CCDC146: variants seen among roughly 807,000 people sequenced by gnomAD.
CCDC146 encodes the protein coiled-coil domain containing 146.
CCDC146 carries 92 observed loss-of-function variants against 119.3 expected under a neutral mutation model. The ratio of observed to expected loss-of-function variants is 0.77; its 90% confidence interval spans 0.65 to 0.92. The LOEUF (loss-of-function observed/expected upper bound fraction) is 0.92. CCDC146 is among the 40% of genes least tolerant of loss of function. The probability of loss-of-function intolerance (pLI) is 0.00; values close to 1 mark genes in which losing one functional copy is unlikely to be tolerated. For synonymous variants in CCDC146, 372 were observed against 371.8 expected (o/e 1.00, Z -0.01); for missense variants, 1,000 against 1,103.0 (o/e 0.91, Z 1.32).
rs529712194 is a variant in CCDC146, at chr7:77,159,665, T to TAATA, written c.-11-7991_-11-7988dup. Among the ~76,000 whole-genome samples the TAATA allele has an allele frequency of 6.8e-4, 103 of 152,340 alleles. 3 individuals carry two copies. The Middle Eastern group carries it at 0.014, about 20-fold the overall frequency. On this transcript the variant is annotated intron_variant, in intron 1 of 18. Transcript: ENST00000285871. ...ATATATAACCAGAAGAATTGCTGGATAATAAGGAAGGTTTATTTTTTACTT... is the reference window on the plus strand; with the variant it reads ...ATATATAACCAGAAGAATTGCTGGATAATAAATAAGGAAGGTTTATTTTTTACTT...
chr7:77,294,466 GTGTGTGTGTGTGTGTGT>G (rs1794008571), intron 18 of CCDC146, among the ~76,000 whole-genome samples, 180 bp from the exon 19 acceptor site: 1 of 57,588 alleles, frequency 1.7e-5, no homozygotes, highest in Non-Finnish European at 3.7e-5. Context: ...AGAGGTAGGT[GTGTGTGTGTGTGTGTGT>G]GTGTGTGTGT....
chr7:77,163,472 G>A (rs71217130), intron 1 of CCDC146, among the ~76,000 whole-genome samples: 22 of 152,062 alleles, frequency 1.4e-4, no homozygotes, highest in East Asian at 1.2e-3. Flanking sequence ...ACATATATAC[G>A]TATTTTTAAA....
intron 2 of CCDC146, chr7:77,194,797 A>G (rs1233739070): frequency 6.6e-6 from 1 of 152,168 alleles, no homozygotes; most frequent in Non-Finnish European, 1.5e-5. Flanking sequence ...TACGCAGAAT[A>G]CTGCTGTTCT....
chr7:77,179,229 T>G (rs1461668549), intron 2 of CCDC146, among the ~76,000 whole-genome samples: 2 of 152,142 alleles, frequency 1.3e-5, no homozygotes, highest in Non-Finnish European at 2.9e-5. Context: ...AAAATTGTAA[T>G]AAAATTTATT....
At chr7:77,219,747 T>C (rs1238471748) in intron 2 of CCDC146, among the ~76,000 whole-genome samples, 6 of 152,130 alleles carry the variant, frequency 3.9e-5, no homozygotes, top group Non-Finnish European at 8.8e-5. Flanking sequence ...AATTTTACAG[T>C]TGGGTCTCCG....
At chr7:77,222,806 T>A (rs1360771693) in intron 2 of CCDC146, among the ~76,000 whole-genome samples, 4 of 152,220 alleles carry the variant, frequency 2.6e-5, no homozygotes, top group Non-Finnish European at 5.9e-5. Context: ...TCCAGGCCTT[T>A]ACAGATGCAC....
chr7:77,128,756 G>C (rs1464857209), intron 1 of CCDC146, among the ~76,000 whole-genome samples: 1 of 152,096 alleles, frequency 6.6e-6, no homozygotes, highest in Non-Finnish European at 1.5e-5. Flanking sequence ...CTGTCTCTCT[G>C]AATAGAGGAA....
chr7:77,220,183 TC>T (rs1293249642), intron 2 of CCDC146, among the ~76,000 whole-genome samples: 1 of 152,070 alleles, frequency 6.6e-6, no homozygotes, highest in Admixed American at 6.5e-5. Flanking sequence ...TTTAGAGGCT[TC>T]CCCCGGGAAT....
intron 14 of CCDC146, among the ~76,000 whole-genome samples, chr7:77,281,774 C>T (rs1228986185): frequency 3.9e-5 from 6 of 152,090 alleles, no homozygotes; most frequent in Admixed American, 3.9e-4. Flanking sequence ...AATGTATATG[C>T]ATAATGTGTG....
At chr7:77,243,843 C>A (rs111326973) in intron 4 of CCDC146, among the ~76,000 whole-genome samples, 2 of 152,006 alleles carry the variant, frequency 1.3e-5, no homozygotes, top group Non-Finnish European at 2.9e-5. Flanking sequence ...TAGGCCTAGG[C>A]TAATGTGTGT....
At chr7:77,134,563 C>G (rs62474252) in intron 1 of CCDC146, among the ~76,000 whole-genome samples, 5,177 of 139,266 alleles carry the variant, frequency 0.037, 154 homozygotes, top group East Asian at 0.18. Context: ...GTGTGTGTGT[C>G]TGTGTGTGTG....
chr7:77,289,660 AAAGATT>A (rs2150556356), intron 17 of CCDC146, among the ~76,000 whole-genome samples: 1 of 152,370 alleles, frequency 6.6e-6, no homozygotes, highest in Non-Finnish European at 1.5e-5. Context: ...CCACATTCAA[AAAGATT>A]GCACATCTCC....
At position 77,178,613 on chromosome 7, in the gene CCDC146, A is replaced by G. The variant is rs556870395; in HGVS notation, c.156+10789A>G. On this transcript the variant is annotated intron_variant, in intron 2 of 18. Coordinates refer to ENST00000285871, the MANE Select transcript of CCDC146 (RefSeq NM_020879.3). ...TGCATGTGTGTTTAATTACGTAGTT[A>G]ATACAGTTTTAATCACCTCTTTATT... Among the ~76,000 whole-genome samples the G allele has an allele frequency of 3.3e-5, 5 of 152,360 alleles. No individual in the cohort carries two copies. The South Asian group carries it at 1.0e-3, about 32-fold the overall frequency.
At chr7:77,233,247 C>A (rs190875908) in intron 2 of CCDC146, among the ~76,000 whole-genome samples, 220 of 152,100 alleles carry the variant, frequency 1.4e-3, no homozygotes, top group African/African-American at 5.0e-3. Flanking sequence ...CGCCACCATG[C>A]CCAGCTAATT....
intron 17 of CCDC146, among the ~76,000 whole-genome samples, chr7:77,288,542 C>A (rs890646873): frequency 6.6e-6 from 1 of 152,224 alleles, no homozygotes; most frequent in Non-Finnish European, 1.5e-5. Context: ...ACCATTCATG[C>A]GAGGCCTTTC....
At chr7:77,164,834 G>T (rs1318894118) in intron 1 of CCDC146, among the ~76,000 whole-genome samples, 1 of 152,140 alleles carries the variant, frequency 6.6e-6, no homozygotes, top group Non-Finnish European at 1.5e-5. Context: ...ATGATGGAAC[G>T]TGCTTTCCAT....
intron 2 of CCDC146, among the ~76,000 whole-genome samples, chr7:77,216,981 T>C (rs1310626783): frequency 6.6e-6 from 1 of 152,130 alleles, no homozygotes; most frequent in East Asian, 1.9e-4. Flanking sequence ...TGTTCTACAG[T>C]GTGTGTTTTA....
chr7:77,150,308 C>G (rs1322308159), intron 1 of CCDC146, among the ~76,000 whole-genome samples: 1 of 151,880 alleles, frequency 6.6e-6, no homozygotes, highest in Non-Finnish European at 1.5e-5. Flanking sequence ...CCAAACATAT[C>G]TGGTAAAGGA....
chr7:77,138,540 A>G (rs1790890947), intron 1 of CCDC146, among the ~76,000 whole-genome samples: 1 of 137,986 alleles, frequency 7.2e-6, no homozygotes, highest in South Asian at 2.3e-4. Context: ...GCTGAACTTC[A>G]CTGAAATTTA....
Sources: allele counts gnomAD v4.1 joint callset (sites outside exome capture counted in the v4.1 genomes callset), GRCh38; gene constraint gnomAD v4.1.1; transcripts MANE v1.5; gene names NCBI Gene and HGNC (gene_info 2026-07-23, HGNC 2026-07-21).